Variants in SLC38A8 observed in about 807,000 individuals in gnomAD.
SLC38A8 encodes the protein solute carrier family 38 member 8.
A neutral mutation model predicts 46.0 loss-of-function variants in SLC38A8; 65 were observed. That is an observed-to-expected ratio of 1.41 (90% CI 1.16 to 1.74). SLC38A8 has a LOEUF of 1.74. Ranked by LOEUF, SLC38A8 falls within the 40% of genes most tolerant of loss-of-function variation. The pLI, the probability that SLC38A8 is intolerant of heterozygous loss-of-function variation, is 0.00. For synonymous variants in SLC38A8, 447 were observed against 243.7 expected, an observed-to-expected ratio of 1.83 and a Z score of -7.77; for missense variants, 998 against 567.9, an observed-to-expected ratio of 1.76 and a Z score of -7.70.
At chr16:84,014,423 T>C (rs1395494584) in intron 9 of SLC38A8, among the ~76,000 whole-genome samples, 2 of 149,418 alleles carry the variant, frequency 1.3e-5, no homozygotes, top group African/African-American at 2.5e-5. Flanking sequence ...GGAGCAGCTG[T>C]GTGGCCACAC....
At chr16:84,022,671 A>G (rs1481127205) in intron 7 of SLC38A8, 104 bp downstream of exon 7, 1 of 845,426 alleles carries the variant, frequency 1.2e-6, no homozygotes. Flanking sequence ...AACATTGAGT[A>G]TTGAGCCCAG....
intron 6 of SLC38A8, among the ~76,000 whole-genome samples, chr16:84,024,581 G>C (rs1167551625): frequency 6.6e-6 from 1 of 151,910 alleles, no homozygotes; most frequent in African/African-American, 2.4e-5. Flanking sequence ...TGGAGTTCGA[G>C]ACCAGCCTGG....
chr16:84,013,318 G>GC (rs200624025), intron 9 of SLC38A8, among the ~76,000 whole-genome samples: 1,623 of 151,328 alleles, frequency 0.011, 22 homozygotes, highest in African/African-American at 0.037. Flanking sequence ...TTGACAACAT[G>GC]CCCCCCCACA....
chr16:84,009,739 G>T lies in SLC38A8; in HGVS notation c.*45C>A, dbSNP rs377035133. The T allele has an allele frequency of 1.3e-6, 2 of 1,560,156 alleles. No homozygotes were observed. The highest frequency in any genetic ancestry group is 1.8e-5 in the Admixed American group (1 of 55,152). On this transcript the variant is annotated 3_prime_UTR_variant, in exon 11 of 11. Transcript: ENST00000299709. Reference sequence around the variant, plus strand: ...CTGGCTGCATACAGCAGCCACGTAGGGTCAGCCCCCGGAGGGCCCCTTCCT... The same window carrying T: ...CTGGCTGCATACAGCAGCCACGTAGTGTCAGCCCCCGGAGGGCCCCTTCCT...
At chr16:84,024,648 G>T (rs1393704886) in intron 6 of SLC38A8, among the ~76,000 whole-genome samples, 1 of 152,078 alleles carries the variant, frequency 6.6e-6, no homozygotes, top group Admixed American at 6.5e-5. Context: ...AGGTGTGGTG[G>T]CAAGCACCTG....
chr16:84,039,888 A>T (rs921360526), intron 2 of SLC38A8: 1 of 152,184 alleles, frequency 6.6e-6, no homozygotes, highest in Admixed American at 6.5e-5. Flanking sequence ...CCCGGTCGCC[A>T]TGCCAGACCC....
Position 84,024,206 on chromosome 16 carries a change from G to T in SLC38A8, c.691-1317C>A, listed in dbSNP as rs565117616. ...AAACCCCACTCTGTGGTGCTAGAAG[G>T]CAGGATGGTGGTTTGGGTAGGGTGG... On this transcript the variant is annotated intron_variant, in intron 6 of 10. Transcript: ENST00000299709. 5.3e-5 allele frequency among the ~76,000 whole-genome samples: 8 copies of T among 152,320 alleles called. No homozygotes were observed. In the South Asian group the frequency reaches 1.7e-3, roughly 32 times the overall value.
chr16:84,030,914 T>C (rs7196792), intron 5 of SLC38A8, among the ~76,000 whole-genome samples: 64,081 of 151,848 alleles, frequency 0.42, 14,818 homozygotes, highest in African/African-American at 0.62. Flanking sequence ...TGACTATTCC[T>C]CATTGCCTCC....
chr16:84,010,575 C>G (rs1452002159), intron 10 of SLC38A8, among the ~76,000 whole-genome samples: 1 of 151,872 alleles, frequency 6.6e-6, no homozygotes, highest in East Asian at 1.9e-4. Flanking sequence ...AACCCCATCT[C>G]TACTAAAAAT....
intron 6 of SLC38A8, 51 bp from the exon 7 acceptor site, chr16:84,022,940 C>G: frequency 1.4e-6 from 2 of 1,386,334 alleles, no homozygotes; most frequent in Non-Finnish European, 1.9e-6. Flanking sequence ...CTGGAACAGG[C>G]GATGCGAAAA....
chr16:84,020,001 C>G (rs185632432), intron 7 of SLC38A8, among the ~76,000 whole-genome samples: 13 of 152,376 alleles, frequency 8.5e-5, no homozygotes, highest in Admixed American at 8.5e-4. Flanking sequence ...GCCTGAAGTT[C>G]TCGCAGGCAG....
chr16:84,016,374 A>G, intron 9 of SLC38A8, 145 bp downstream of exon 9: 1 of 865,052 alleles, frequency 1.2e-6, no homozygotes, highest in Non-Finnish European at 1.8e-6. Context: ...GCCTGGCTCA[A>G]TAAAAAGGGC....
chr16:84,029,370 A>C (rs2085209587), intron 6 of SLC38A8, 124 bp downstream of exon 6: 1 of 954,272 alleles, frequency 1.0e-6, no homozygotes, highest in Admixed American at 2.3e-5. Flanking sequence ...CACAGAGCCC[A>C]CTGTATCCTA....
At chr16:84,030,250 G>C (rs921648965) in intron 5 of SLC38A8, among the ~76,000 whole-genome samples, 2 of 152,102 alleles carry the variant, frequency 1.3e-5, no homozygotes, top group African/African-American at 4.8e-5. Context: ...TCTGCCCCTG[G>C]AGTCTTCGGA....
In SLC38A8 at chr16:84,041,967, A is replaced by T. The variant is rs555348963; in HGVS notation, c.189+2T>A. 6.3e-7 allele frequency: 1 copy of T among 1,584,252 alleles called. No homozygotes were observed. The highest frequency in any genetic ancestry group is 1.1e-5 in the South Asian group (1 of 87,410). On this transcript the variant is annotated splice_donor_variant, in intron 2 of 10. Transcript: ENST00000299709. LOFTEE classifies it high-confidence loss of function. ...CCCAGGACTCACTTCCCGGGGACTT[A>T]CCAGCTCCACCAGGAAGGCAGGGAC...
Position 84,032,931 on chromosome 16 carries a change from T to G in SLC38A8, c.530+397A>C, listed in dbSNP as rs1244810503. On this transcript the variant is annotated intron_variant, in intron 4 of 10. Transcript: ENST00000299709. Reference sequence around the variant, plus strand: ...GTGAGCATGGGTGGGTGTGGGTACGTGGGTGTGCATGGGTGGGTGTGGGTA... The same window carrying G: ...GTGAGCATGGGTGGGTGTGGGTACGGGGGTGTGCATGGGTGGGTGTGGGTA... 1.0e-3 allele frequency among the ~76,000 whole-genome samples: 93 copies of G among 88,636 alleles called. 2 individuals are homozygous for G. Among genetic ancestry groups the G allele is most frequent in the African/African-American group, 4.6e-3 (85 of 18,330 alleles). 58.1% of individuals were successfully genotyped at this position (88,636 alleles called of 152,430 possible).
intron 6 of SLC38A8, among the ~76,000 whole-genome samples, chr16:84,026,543 G>C (rs540226640): frequency 1.6e-4 from 25 of 152,312 alleles, no homozygotes; most frequent in South Asian, 1.2e-3. Flanking sequence ...GGTTTTATAA[G>C]GGGAAGCAGA....
At position 84,020,563 on chromosome 16, in the gene SLC38A8, T is replaced by C. The variant is rs1048318553; in HGVS notation, c.805+2212A>G. Among the ~76,000 whole-genome samples, 10 of 152,314 alleles carry C rather than the reference T, an allele frequency of 6.6e-5. No individual in the cohort carries two copies. In the East Asian group the frequency reaches 9.7e-4, roughly 15 times the overall value. ...CCTGCCAAGGTTTACCACTTATACC[T>C]TCTGGGGCTGCAGCACGAGCCAGAT... On this transcript the variant is annotated intron_variant, in intron 7 of 10. Transcript: ENST00000299709.
chr16:84,022,958 A>G lies in SLC38A8; in HGVS notation c.691-69T>C, dbSNP rs191753175. ...GAACAGGCGATGCGAAAAAAAACTCATATCCAAAAGGCGGGAAATGTGGGA... is the reference window on the plus strand; with the variant it reads ...GAACAGGCGATGCGAAAAAAAACTCGTATCCAAAAGGCGGGAAATGTGGGA... On this transcript the variant is annotated intron_variant, in intron 6 of 10. Transcript: ENST00000299709. 185 of 1,158,494 alleles carry G rather than the reference A, an allele frequency of 1.6e-4. 2 individuals are homozygous for G. The Admixed American group carries it at 5.3e-3, about 33-fold the overall frequency. The allele number at this position is 1,158,494 out of a possible 1,614,324, so 71.8% of individuals were successfully genotyped here. A position where few individuals can be genotyped will look rare whatever the true frequency, so the allele number is the denominator to read the frequency against.
Sources: gnomAD v4.1 joint callset for allele counts (sites outside exome capture counted in the v4.1 genomes callset) on GRCh38, gnomAD v4.1.1 for gene constraint, MANE v1.5 for transcripts, NCBI Gene and HGNC (gene_info 2026-07-23, HGNC 2026-07-21) for gene names.